NDST3: variants seen among roughly 807,000 people sequenced by gnomAD.
NDST3 encodes the protein N-deacetylase and N-sulfotransferase 3.
A neutral mutation model predicts 96.1 loss-of-function variants in NDST3; 58 were observed. That is an observed-to-expected ratio of 0.60 (90% CI 0.49 to 0.75). The LOEUF (loss-of-function observed/expected upper bound fraction) is 0.75. Ranked by LOEUF, NDST3 falls within the 30% of genes least tolerant of loss-of-function variation. The probability of loss-of-function intolerance (pLI) is 0.00; values close to 1 mark genes in which losing one functional copy is unlikely to be tolerated. For synonymous variants in NDST3, 333 were observed against 359.7 expected, an observed-to-expected ratio of 0.93 and a Z score of 0.84; for missense variants, 788 against 1,034.2, an observed-to-expected ratio of 0.76 and a Z score of 3.27.
intron 2 of NDST3, among the ~76,000 whole-genome samples, chr4:118,074,783 G>T (rs980143647): frequency 2.0e-5 from 3 of 151,986 alleles, no homozygotes; most frequent in Non-Finnish European, 4.4e-5. Context: ...CTCTCATTGT[G>T]TTTTTGGTGG....
intron 6 of NDST3, among the ~76,000 whole-genome samples, chr4:118,160,012 T>C (rs1470689770): frequency 6.6e-6 from 1 of 152,080 alleles, no homozygotes; most frequent in African/African-American, 2.4e-5. Context: ...GAAGAAATAA[T>C]GGCCAAAACT....
chr4:118,148,302 A>G (rs566065737), intron 6 of NDST3, among the ~76,000 whole-genome samples: 13 of 152,170 alleles, frequency 8.5e-5, no homozygotes, highest in Non-Finnish European at 1.8e-4. Flanking sequence ...TGTCTCAAAA[A>G]AAATGCGCGC....
intron 2 of NDST3, among the ~76,000 whole-genome samples, chr4:118,093,952 G>A (rs988791922): frequency 1.3e-5 from 2 of 151,674 alleles, no homozygotes; most frequent in Admixed American, 6.6e-5. Context: ...CCTCCAGAGG[G>A]GACAAACACT....
At chr4:118,063,189 T>A (rs1726037978) in intron 2 of NDST3, among the ~76,000 whole-genome samples, 1 of 143,800 alleles carries the variant, frequency 7.0e-6, no homozygotes, top group African/African-American at 2.6e-5. Context: ...AAACTCCGTT[T>A]AAAAAAAAAA....
chr4:118,130,092 T>C (rs1732484085), intron 4 of NDST3, among the ~76,000 whole-genome samples: 1 of 152,114 alleles, frequency 6.6e-6, no homozygotes. Context: ...AAGTGAAGTG[T>C]GTTTCTTGTG....
chr4:118,040,407 C>T (rs866179635), intron 1 of NDST3, among the ~76,000 whole-genome samples: 3 of 152,182 alleles, frequency 2.0e-5, no homozygotes, highest in South Asian at 4.2e-4. Context: ...AGCCCAAGGA[C>T]ATGGTGCTGG....
At chr4:118,200,892 G>T (rs1335907420) in intron 6 of NDST3, among the ~76,000 whole-genome samples, 1 of 152,004 alleles carries the variant, frequency 6.6e-6, no homozygotes, top group Non-Finnish European at 1.5e-5. Context: ...CCTCACCCTG[G>T]TAGTAAGCAT....
intron 2 of NDST3, among the ~76,000 whole-genome samples, chr4:118,081,377 T>G (rs1467205963): frequency 1.3e-5 from 2 of 151,782 alleles, no homozygotes; most frequent in Non-Finnish European, 2.9e-5. Context: ...AAAACTCAGT[T>G]TATTTTTTAA....
At chr4:118,076,623 C>T (rs1207303950) in intron 2 of NDST3, among the ~76,000 whole-genome samples, 4 of 152,092 alleles carry the variant, frequency 2.6e-5, no homozygotes, top group Admixed American at 6.6e-5. Flanking sequence ...ATTCTTGCAG[C>T]GAGTTTTTCA....
At chr4:118,042,577 CAT>C (rs1724532075) in intron 1 of NDST3, among the ~76,000 whole-genome samples, 1 of 152,234 alleles carries the variant, frequency 6.6e-6, no homozygotes, top group Admixed American at 6.5e-5. Flanking sequence ...TTTTCAAGCT[CAT>C]ACTCTTGTAC....
intron 1 of NDST3, among the ~76,000 whole-genome samples, chr4:118,049,761 AAGCACTGG>A (rs1454790555): frequency 6.6e-6 from 1 of 151,668 alleles, no homozygotes; most frequent in Non-Finnish European, 1.5e-5. Context: ...CCACCAAAAA[AAGCACTGG>A]AGCAGATGGA....
At chr4:118,117,554 A>G (rs1156800615) in intron 4 of NDST3, among the ~76,000 whole-genome samples, 1 of 152,202 alleles carries the variant, frequency 6.6e-6, no homozygotes, top group African/African-American at 2.4e-5. Context: ...TAAAGATATA[A>G]TAAGAAAAGA....
At chr4:118,087,397 C>G (rs141613700) in intron 2 of NDST3, among the ~76,000 whole-genome samples, 3 of 152,206 alleles carry the variant, frequency 2.0e-5, no homozygotes, top group African/African-American at 7.2e-5. Flanking sequence ...TAAAAAGAAT[C>G]CTGGAAGATC....
chr4:118,037,170 A>T (rs1724197487), intron 1 of NDST3, among the ~76,000 whole-genome samples: 1 of 152,126 alleles, frequency 6.6e-6, no homozygotes, highest in Admixed American at 6.6e-5. Context: ...ACATTTTAGA[A>T]ATTGATCTGG....
chr4:118,094,852 G>A (rs1365986047), intron 2 of NDST3, among the ~76,000 whole-genome samples: 4 of 151,700 alleles, frequency 2.6e-5, no homozygotes, highest in African/African-American at 4.8e-5. Flanking sequence ...TAGTAATAGC[G>A]ATAAATTCTA....
At position 118,180,280 on chromosome 4, in the gene NDST3, C is replaced by A. The variant is rs542026331; in HGVS notation, c.1539+36596C>A. On this transcript the variant is annotated intron_variant, in intron 6 of 13. Coordinates refer to ENST00000296499, the MANE Select transcript of NDST3 (RefSeq NM_004784.3). ...CCTTCCTCCCCTCTCTGGCAGTCCC[C>A]AGTGTCTACTGCTGCCATCTTTATG... 3.9e-5 allele frequency among the ~76,000 whole-genome samples: 6 copies of A among 152,224 alleles called. No homozygotes were observed. In the East Asian group the frequency reaches 1.2e-3, roughly 29 times the overall value.
Position 118,138,037 on chromosome 4 carries a change from C to CA in NDST3, c.1225-16dup. 6.4e-7 allele frequency: 1 copy of CA among 1,563,338 alleles called. No homozygotes were observed. The highest frequency in any genetic ancestry group is 8.6e-7 in the Non-Finnish European group (1 of 1,156,862). On this transcript the variant is annotated splice_polypyrimidine_tract_variant and intron_variant, in intron 4 of 13. Transcript: ENST00000296499. ...ATAAATCTTTACACGCTCCAATTAA[C>CA]ATTTGCTTGGTCTTAGGAGCACGGC...
intron 8 of NDST3, 26 bp from the exon 9 acceptor site, chr4:118,232,986 T>C: frequency 6.3e-7 from 1 of 1,598,088 alleles, no homozygotes; most frequent in South Asian, 1.1e-5. Context: ...ATTTAATTAA[T>C]TTCTGAACCT....
chr4:118,052,774 G>A (rs1049387556), intron 1 of NDST3, among the ~76,000 whole-genome samples: 2 of 151,906 alleles, frequency 1.3e-5, no homozygotes, highest in African/African-American at 4.8e-5. Context: ...CAGAGGAAGT[G>A]TAATCCTAAT....
Sources: allele counts gnomAD v4.1 joint callset (sites outside exome capture counted in the v4.1 genomes callset), GRCh38; gene constraint gnomAD v4.1.1; transcripts MANE v1.5; gene names NCBI Gene and HGNC (gene_info 2026-07-23, HGNC 2026-07-21).